Variants in DLC1 observed in about 807,000 individuals in gnomAD.
DLC1 encodes the protein DLC1 Rho GTPase activating protein.
In DLC1, 54 loss-of-function variants were observed where a neutral mutation model predicts 140.3. The observed-to-expected ratio is 0.38, with a 90% CI of 0.31 to 0.48. The LOEUF (loss-of-function observed/expected upper bound fraction) is 0.48, where lower values mean the gene tolerates loss of function less well. Ranked by LOEUF, DLC1 falls within the 20% of genes least tolerant of loss-of-function variation. DLC1 has a pLI of 0.96. For synonymous variants in DLC1, 986 were observed against 728.1 expected (o/e 1.35, Z -5.70); for missense variants, 2,536 against 1,907.0 (o/e 1.33, Z -6.14).
At chr8:13,194,293 A>T (rs1464554187) in intron 5 of DLC1, among the ~76,000 whole-genome samples, 1 of 152,252 alleles carries the variant, frequency 6.6e-6, no homozygotes, top group Admixed American at 6.5e-5. Context: ...GCCAATAGCT[A>T]TGTGGAACGA....
intron 4 of DLC1, among the ~76,000 whole-genome samples, chr8:13,308,872 A>G (rs1259632370): frequency 1.3e-5 from 2 of 152,128 alleles, no homozygotes; most frequent in Admixed American, 6.5e-5. Flanking sequence ...GTTTCTGAGA[A>G]GGGACCTGGA....
At chr8:13,305,170 A>C (rs886544412) in intron 5 of DLC1, 99 bp downstream of exon 5, 272 of 1,480,088 alleles carry the variant, frequency 1.8e-4, no homozygotes, top group Non-Finnish European at 2.4e-4. Context: ...TATATTCATG[A>C]GATGTATACA....
intron 4 of DLC1, among the ~76,000 whole-genome samples, chr8:13,333,032 C>G (rs554163453): frequency 2.4e-4 from 37 of 152,142 alleles, no homozygotes; most frequent in African/African-American, 8.2e-4. Context: ...CACTATGATT[C>G]TAGAAAAACT....
intron 4 of DLC1, among the ~76,000 whole-genome samples, chr8:13,330,556 G>T (rs1833542974): frequency 6.6e-6 from 1 of 151,962 alleles, no homozygotes; most frequent in South Asian, 2.1e-4. Flanking sequence ...AATTATATAG[G>T]CCAGCACATT....
At chr8:13,143,697 C>T (rs1823189289) in intron 5 of DLC1, among the ~76,000 whole-genome samples, 1 of 151,868 alleles carries the variant, frequency 6.6e-6, no homozygotes, top group Non-Finnish European at 1.5e-5. Context: ...CAGGCCTGAG[C>T]CACCACACCC....
rs73663623 is a variant in DLC1, at chr8:13,195,691, A to T, written c.1349-80034T>A. On this transcript the variant is annotated intron_variant, in intron 5 of 17. Coordinates refer to ENST00000276297, the MANE Select transcript of DLC1 (RefSeq NM_182643.3). ...AAAACAGATTTCAGATCAACTCAGA[A>T]GATTATTTTCTAACATAGCTCCTTA... Among the ~76,000 whole-genome samples, 259 of 152,340 alleles carry T rather than the reference A, an allele frequency of 1.7e-3. 2 individuals carry two copies. Among genetic ancestry groups the T allele is most frequent in the African/African-American group, 5.5e-3 (229 of 41,576 alleles).
intron 2 of DLC1, among the ~76,000 whole-genome samples, chr8:13,413,293 G>T (rs553161533): frequency 3.2e-5 from 2 of 61,546 alleles, no homozygotes; most frequent in Non-Finnish European, 6.5e-5. Context: ...ATCAACTATC[G>T]TTAGTGTTAG....
chr8:13,143,407 T>C (rs1177401719), intron 5 of DLC1, among the ~76,000 whole-genome samples: 1 of 152,208 alleles, frequency 6.6e-6, no homozygotes, highest in Non-Finnish European at 1.5e-5. Context: ...ATATGACATA[T>C]GTGATTTTGT....
At chr8:13,494,275 G>C (rs1168405987) in intron 2 of DLC1, among the ~76,000 whole-genome samples, 1 of 152,112 alleles carries the variant, frequency 6.6e-6, no homozygotes, top group Admixed American at 6.5e-5. Context: ...AATATAAATT[G>C]TCCCTTACGT....
At chr8:13,360,864 T>C (rs1835190214) in intron 4 of DLC1, among the ~76,000 whole-genome samples, 1 of 150,368 alleles carries the variant, frequency 6.7e-6, no homozygotes, top group African/African-American at 2.4e-5. Context: ...GCTGGGCTCA[T>C]GTTTTATACA....
At chr8:13,588,313 G>A (rs995741450) in intron 1 of DLC1, among the ~76,000 whole-genome samples, 20 of 152,266 alleles carry the variant, frequency 1.3e-4, no homozygotes, top group Admixed American at 8.5e-4. Flanking sequence ...GATTACCGAA[G>A]AGAGAGAATC....
chr8:13,415,031 C>T (rs1270758145), intron 2 of DLC1, among the ~76,000 whole-genome samples: 2 of 152,050 alleles, frequency 1.3e-5, no homozygotes, highest in African/African-American at 2.4e-5. Context: ...TCAGGCTGGT[C>T]TCGAACTCCT....
intron 1 of DLC1, among the ~76,000 whole-genome samples, chr8:13,522,311 G>A (rs927000023): frequency 8.6e-5 from 13 of 151,996 alleles, no homozygotes; most frequent in African/African-American, 3.1e-4. Flanking sequence ...TTAAATGGGG[G>A]GTACGGAATT....
intron 5 of DLC1, among the ~76,000 whole-genome samples, chr8:13,257,152 G>C (rs1004961962): frequency 6.6e-6 from 1 of 151,906 alleles, no homozygotes; most frequent in African/African-American, 2.4e-5. Context: ...GTCATGACTT[G>C]TGTCACAAAA....
chr8:13,421,147 C>A (rs1838304998), intron 2 of DLC1, among the ~76,000 whole-genome samples: 3 of 152,156 alleles, frequency 2.0e-5, no homozygotes, highest in Admixed American at 2.0e-4. Flanking sequence ...AACTCGATGA[C>A]AGATCCAGAA....
intron 2 of DLC1, among the ~76,000 whole-genome samples, chr8:13,403,975 T>A (rs1181301664): frequency 6.6e-6 from 1 of 152,108 alleles, no homozygotes; most frequent in African/African-American, 2.4e-5. Context: ...ATTTTTGAAA[T>A]CTTACAATAC....
At chr8:13,514,287 A>T (rs1802506457) in intron 1 of DLC1, among the ~76,000 whole-genome samples, 1 of 152,214 alleles carries the variant, frequency 6.6e-6, no homozygotes, top group Non-Finnish European at 1.5e-5. Flanking sequence ...GTTTCACGTT[A>T]TGCCAAGAAA....
chr8:13,519,476 A>G (rs1802700379), upstream of DLC1, among the ~76,000 whole-genome samples: 1 of 152,160 alleles, frequency 6.6e-6, no homozygotes, highest in African/African-American at 2.4e-5. Context: ...ATCCAGACCA[A>G]GAAAAACCAT....
At chr8:13,449,981 G>A (rs890796442) in intron 2 of DLC1, among the ~76,000 whole-genome samples, 11 of 151,426 alleles carry the variant, frequency 7.3e-5, no homozygotes, top group African/African-American at 2.7e-4. Context: ...CTAGATTACA[G>A]GCTTCCCCAA....
Sources: gnomAD v4.1 joint callset for allele counts (sites outside exome capture counted in the v4.1 genomes callset) on GRCh38, gnomAD v4.1.1 for gene constraint, MANE v1.5 for transcripts, NCBI Gene and HGNC (gene_info 2026-07-23, HGNC 2026-07-21) for gene names.